EXPH5: variants seen among roughly 807,000 people sequenced by gnomAD.
EXPH5 encodes the protein exophilin-5.
EXPH5 carries 42 observed loss-of-function variants against 41.1 expected under a neutral mutation model. The observed-to-expected ratio is 1.02, with a 90% CI of 0.80 to 1.32. The LOEUF (loss-of-function observed/expected upper bound fraction) is 1.32, where lower values mean the gene tolerates loss of function less well. Among genes scored for constraint, EXPH5 ranks in the 40% most tolerant of loss-of-function variants. The pLI, the probability that EXPH5 is intolerant of heterozygous loss-of-function variation, is 0.00. For synonymous variants in EXPH5, 798 were observed against 833.5 expected (o/e 0.96, Z 0.73); for missense variants, 2,298 against 2,314.5 (o/e 0.99, Z 0.15).
chr11:108,535,871 T>C (rs148601194), intron 3 of EXPH5, among the ~76,000 whole-genome samples: 8 of 152,248 alleles, frequency 5.3e-5, no homozygotes, highest in African/African-American at 1.7e-4. Context: ...GGAACAACTA[T>C]AGATTCTGCT....
rs1266288307 is a variant in EXPH5 at position 108,512,877 on chromosome 11, A to G, written c.2630T>C (p.Leu877Ser). 1 of 1,614,102 alleles carries G rather than the reference A, an allele frequency of 6.2e-7. No individual in the cohort carries two copies. Among genetic ancestry groups the G allele is most frequent in the Non-Finnish European group, 8.5e-7 (1 of 1,179,978 alleles). The change falls in exon 6 of 6, where the codon TTA becomes TCA. Residue 877 changes from leucine (L) to serine (S), a missense_variant. Physicochemically the swap from Leu to Ser is moderately radical, Grantham distance 145 (BLOSUM62 -2). Transcript: ENST00000265843. Reference sequence around the variant, plus strand: ...TGGTAGTGCAGCTGATGACAGATCTAAAGAATCACACGAGGTCTTGTGGCC... The same window carrying G: ...TGGTAGTGCAGCTGATGACAGATCTGAAGAATCACACGAGGTCTTGTGGCC... ...TPGHKTSCDS[L>S]DLSSAALPDS...
At chr11:108,524,868 T>C (rs948571374) in intron 4 of EXPH5, among the ~76,000 whole-genome samples, 1 of 152,198 alleles carries the variant, frequency 6.6e-6, no homozygotes, top group African/African-American at 2.4e-5. Context: ...GAGTGTTCAG[T>C]TTGTGCCAGG....
chr11:108,581,457 G>A (rs2136114176), intron 1 of EXPH5, among the ~76,000 whole-genome samples: 1 of 151,944 alleles, frequency 6.6e-6, no homozygotes, highest in Non-Finnish European at 1.5e-5. Context: ...TGTATTATAC[G>A]TATCAAAAGA....
At position 108,512,912 on chromosome 11, in the gene EXPH5, C is replaced by T. The variant is rs555771158; in HGVS notation, c.2595G>A (p.Lys865=). Residue 865 remains lysine (K), a synonymous_variant, in exon 6 of 6, where the codon AAG becomes AAA. Coordinates refer to ENST00000265843, the MANE Select transcript of EXPH5 (RefSeq NM_015065.3). Reference sequence around the variant, plus strand: ...ACGAGGTCTTGTGGCCAGGAGTTAACTTGCATTTTGAGTATTGTGCATTTT... The same window carrying T: ...ACGAGGTCTTGTGGCCAGGAGTTAATTTGCATTTTGAGTATTGTGCATTTT... ...DTQNAQYSKC[K]LTPGHKTSCD... The T allele has an allele frequency of 6.2e-7, 1 of 1,613,604 alleles. No homozygotes were observed. Among genetic ancestry groups the T allele is most frequent in the Non-Finnish European group, 8.5e-7 (1 of 1,179,796 alleles).
Position 108,507,794 on chromosome 11 carries a change from G to A in EXPH5, c.*1743C>T, listed in dbSNP as rs2093652268. 6.6e-6 allele frequency: 1 copy of A among 151,946 alleles called. No individual in the cohort carries two copies. The highest frequency in any genetic ancestry group is 2.1e-4 in the South Asian group (1 of 4,822). 9.4% of individuals were successfully genotyped at this position (151,946 alleles called of 1,614,324 possible). A position where few individuals can be genotyped will look rare whatever the true frequency, so the allele number is the denominator to read the frequency against. On this transcript the variant is annotated 3_prime_UTR_variant, in exon 6 of 6. Coordinates refer to ENST00000265843, the MANE Select transcript of EXPH5 (RefSeq NM_015065.3). ...TGACTTGATGGCATTTTAGGGACTT[G>A]GCCAAGGTTCCCACTTGATATTTGG...
At chr11:108,574,997 T>G (rs2094075143) in intron 1 of EXPH5, among the ~76,000 whole-genome samples, 1 of 152,232 alleles carries the variant, frequency 6.6e-6, no homozygotes, top group African/African-American at 2.4e-5. Flanking sequence ...TGTATTCTTA[T>G]GTCAGAAAAA....
chr11:108,545,382 A>G (rs954662565), intron 1 of EXPH5, among the ~76,000 whole-genome samples: 1 of 152,196 alleles, frequency 6.6e-6, no homozygotes, highest in African/African-American at 2.4e-5. Flanking sequence ...CTGGCATACA[A>G]TGGTAAGCAA....
At chr11:108,552,853 C>T (rs2093973231) in intron 1 of EXPH5, among the ~76,000 whole-genome samples, 1 of 152,116 alleles carries the variant, frequency 6.6e-6, no homozygotes, top group Admixed American at 6.6e-5. Context: ...GAGGTCAAGG[C>T]TGCAGTGAGC....
chr11:108,555,694 G>A (rs1274013497), intron 1 of EXPH5, among the ~76,000 whole-genome samples: 1 of 152,136 alleles, frequency 6.6e-6, no homozygotes, highest in Admixed American at 6.5e-5. Context: ...TCCCTATGCT[G>A]TTCTCATGAT....
intron 1 of EXPH5, among the ~76,000 whole-genome samples, chr11:108,562,053 T>C (rs2094014179): frequency 6.6e-6 from 1 of 152,178 alleles, no homozygotes; most frequent in African/African-American, 2.4e-5. Context: ...GTTTCCTTAC[T>C]TCTCCATTAG....
At chr11:108,544,387 T>G (rs1418433516) in intron 1 of EXPH5, among the ~76,000 whole-genome samples, 1 of 152,086 alleles carries the variant, frequency 6.6e-6, no homozygotes, top group African/African-American at 2.4e-5. Context: ...AGGCTTGCCT[T>G]AAACTCCTGG....
At chr11:108,593,323 G>A in intron 1 of EXPH5, 95 bp downstream of exon 1, 1 of 1,081,410 alleles carries the variant, frequency 9.2e-7, no homozygotes, top group Non-Finnish European at 1.4e-6. Context: ...AGCACCCCCG[G>A]GCAGGTGCCC....
chr11:108,520,473 T>G (rs1318740410), intron 4 of EXPH5, among the ~76,000 whole-genome samples: 2 of 152,182 alleles, frequency 1.3e-5, no homozygotes, highest in East Asian at 3.8e-4. Flanking sequence ...ATAAATGGCT[T>G]TAAAAAAACC....
the EXPH5 span, among the ~76,000 whole-genome samples, chr11:108,601,603 C>T: frequency 6.6e-6 from 1 of 152,086 alleles, no homozygotes; most frequent in Non-Finnish European, 1.5e-5. Flanking sequence ...TTAAATATGA[C>T]AAATAGTAAA....
chr11:108,595,307 A>G (rs1009681685), upstream of EXPH5, among the ~76,000 whole-genome samples: 3 of 152,254 alleles, frequency 2.0e-5, no homozygotes, highest in Non-Finnish European at 1.5e-5. Context: ...AAATTCCATG[A>G]GCACACAGAA....
intron 1 of EXPH5, among the ~76,000 whole-genome samples, chr11:108,586,209 C>G (rs114039414): frequency 0.024 from 3,656 of 152,130 alleles, 86 homozygotes; most frequent in Middle Eastern, 0.072. Context: ...CTCGGCCTCC[C>G]GAAGTGTTGG....
At chr11:108,521,832 C>T (rs982451406) in intron 4 of EXPH5, among the ~76,000 whole-genome samples, 5 of 152,168 alleles carry the variant, frequency 3.3e-5, no homozygotes, top group African/African-American at 7.2e-5. Context: ...AATTCTCTCT[C>T]GACCATTTAA....
chr11:108,568,471 C>A, intron 1 of EXPH5, among the ~76,000 whole-genome samples: 1 of 152,188 alleles, frequency 6.6e-6, no homozygotes, highest in East Asian at 1.9e-4. Flanking sequence ...GTTCCAAGTT[C>A]TCTTGGCCAG....
At chr11:108,515,056 T>C (rs1224312895) in intron 5 of EXPH5, among the ~76,000 whole-genome samples, 181 bp from the exon 6 acceptor site, 3 of 152,250 alleles carry the variant, frequency 2.0e-5, no homozygotes, top group Non-Finnish European at 2.9e-5. Context: ...TATAAGACTA[T>C]AGTGAAAATT....
Sources: allele counts gnomAD v4.1 joint callset (sites outside exome capture counted in the v4.1 genomes callset), GRCh38; gene constraint gnomAD v4.1.1; transcripts MANE v1.5; gene names NCBI Gene and HGNC (gene_info 2026-07-23, HGNC 2026-07-21).